Variants in FAF1 observed in about 807,000 individuals in gnomAD.
FAF1 encodes the protein Fas associated factor 1.
In FAF1, 25 loss-of-function variants were observed where a neutral mutation model predicts 92.5. That is an observed-to-expected ratio of 0.27 (90% confidence interval 0.20 to 0.38). The LOEUF is 0.38. FAF1 is among the 10% of genes least tolerant of loss of function. The probability of loss-of-function intolerance (pLI) is 1.00; values close to 1 mark genes in which losing one functional copy is unlikely to be tolerated. For missense variants in FAF1, 636 were observed against 793.3 expected (o/e 0.80, Z 2.38); for synonymous variants, 234 against 273.2 (o/e 0.86, Z 1.42).
At chr1:50,736,754 A>G (rs1659157206) in intron 6 of FAF1, among the ~76,000 whole-genome samples, 1 of 151,790 alleles carries the variant, frequency 6.6e-6, no homozygotes. Flanking sequence ...TCCGTCTCCA[A>G]AAAAAGAAAG....
chr1:50,783,776 G>A (rs1661265548), intron 4 of FAF1, among the ~76,000 whole-genome samples: 3 of 152,090 alleles, frequency 2.0e-5, no homozygotes, highest in Admixed American at 1.3e-4. Flanking sequence ...TGAGGGGGCC[G>A]AGGCATGAGA....
intron 1 of FAF1, among the ~76,000 whole-genome samples, chr1:50,955,399 C>G (rs980228446): frequency 2.6e-5 from 4 of 152,212 alleles, no homozygotes; most frequent in African/African-American, 9.6e-5. Flanking sequence ...GTGTACTACT[C>G]TAGTCATTCC....
At chr1:50,469,658 G>T (rs1181044998) in intron 18 of FAF1, 2 of 152,214 alleles carry the variant, frequency 1.3e-5, no homozygotes, top group Non-Finnish European at 2.9e-5. Context: ...AGACAGTGGG[G>T]AGCATAGACG....
intron 4 of FAF1, among the ~76,000 whole-genome samples, chr1:50,751,513 T>C (rs1189473327): frequency 1.3e-5 from 2 of 151,924 alleles, no homozygotes; most frequent in East Asian, 3.9e-4. Context: ...CTGACAAATT[T>C]TTGTATTTTT....
At chr1:50,552,259 T>C (rs988496617) in intron 13 of FAF1, among the ~76,000 whole-genome samples, 2 of 148,264 alleles carry the variant, frequency 1.3e-5, no homozygotes, top group Non-Finnish European at 3.0e-5. Context: ...ATTGTGCCAC[T>C]GCACTCCAGA....
At chr1:50,919,935 A>C (rs968411896) in intron 1 of FAF1, among the ~76,000 whole-genome samples, 1 of 152,190 alleles carries the variant, frequency 6.6e-6, no homozygotes, top group African/African-American at 2.4e-5. Flanking sequence ...ATACTGTATC[A>C]ACTCACCTAA....
At chr1:50,839,540 T>G (rs533965272) in intron 2 of FAF1, among the ~76,000 whole-genome samples, 10 of 152,272 alleles carry the variant, frequency 6.6e-5, no homozygotes, top group African/African-American at 2.4e-4. Context: ...GCCTAAATAC[T>G]GTTGATCAGA....
intron 7 of FAF1, among the ~76,000 whole-genome samples, chr1:50,695,931 G>A (rs918461123): frequency 1.0e-4 from 15 of 148,790 alleles, no homozygotes; most frequent in Non-Finnish European, 1.9e-4. Context: ...TTACAGGCGT[G>A]AGTCACCGTG....
intron 8 of FAF1, among the ~76,000 whole-genome samples, chr1:50,625,970 T>C (rs1005285752): frequency 1.3e-5 from 2 of 152,278 alleles, no homozygotes; most frequent in East Asian, 1.9e-4. Context: ...GTCTAAACTA[T>C]GGTAAGAATG....
chr1:50,745,414 T>C (rs1659548436), intron 4 of FAF1, among the ~76,000 whole-genome samples: 1 of 151,960 alleles, frequency 6.6e-6, no homozygotes, highest in Non-Finnish European at 1.5e-5. Flanking sequence ...AGAAAAAAAA[T>C]GTTGATATGG....
intron 7 of FAF1, among the ~76,000 whole-genome samples, chr1:50,682,645 T>C (rs1158045634): frequency 6.6e-6 from 1 of 152,218 alleles, no homozygotes; most frequent in African/African-American, 2.4e-5. Flanking sequence ...AAAGTAAATC[T>C]GCTATATATT....
chr1:50,804,872 G>A (rs935766735), intron 2 of FAF1, among the ~76,000 whole-genome samples: 9 of 152,136 alleles, frequency 5.9e-5, no homozygotes, highest in Non-Finnish European at 7.4e-5. Flanking sequence ...CAAGCACTAC[G>A]CACTACTTTG....
At chr1:50,472,404 CACACACACACACACACACAA>C (rs1236679291) in intron 18 of FAF1, among the ~76,000 whole-genome samples, 2 of 151,122 alleles carry the variant, frequency 1.3e-5, no homozygotes, top group Non-Finnish European at 3.0e-5. Flanking sequence ...CACACACACA[CACACACACACACACACACAA>C]ACCCCAAAAC....
intron 9 of FAF1, among the ~76,000 whole-genome samples, chr1:50,595,374 C>G (rs1033446458): frequency 6.6e-6 from 1 of 151,642 alleles, no homozygotes; most frequent in Non-Finnish European, 1.5e-5. Context: ...TATCTATCAC[C>G]CTTGACTCTC....
intron 9 of FAF1, among the ~76,000 whole-genome samples, chr1:50,594,382 G>A (rs11205738): frequency 0.092 from 13,918 of 151,130 alleles, 823 homozygotes; most frequent in African/African-American, 0.17. Context: ...GACCTCCATT[G>A]TATACACTTT....
chr1:50,481,040 A>AT (rs1362783351), intron 17 of FAF1, among the ~76,000 whole-genome samples: 2 of 152,212 alleles, frequency 1.3e-5, no homozygotes, highest in Admixed American at 6.5e-5. Context: ...TTTTTAATAG[A>AT]TAAAAACTTA....
At chr1:50,732,051 G>A (rs535280498) in intron 6 of FAF1, among the ~76,000 whole-genome samples, 1 of 151,816 alleles carries the variant, frequency 6.6e-6, no homozygotes, top group South Asian at 2.1e-4. Context: ...AAGATGTATT[G>A]CTAAATACAT....
intron 13 of FAF1, among the ~76,000 whole-genome samples, chr1:50,563,806 A>G (rs926779030): frequency 6.6e-6 from 1 of 152,214 alleles, no homozygotes; most frequent in Non-Finnish European, 1.5e-5. Context: ...GGAATGTTCT[A>G]AGATCAACCT....
chr1:50,819,445 T>C (rs1644010764), intron 2 of FAF1, among the ~76,000 whole-genome samples: 1 of 146,244 alleles, frequency 6.8e-6, no homozygotes, highest in East Asian at 1.9e-4. Context: ...CAAGACTCTG[T>C]CTGTAGAAAA....
Sources: gnomAD v4.1 joint callset for allele counts (sites outside exome capture counted in the v4.1 genomes callset) on GRCh38, gnomAD v4.1.1 for gene constraint, MANE v1.5 for transcripts, NCBI Gene and HGNC (gene_info 2026-07-23, HGNC 2026-07-21) for gene names.